PMS1: variants seen among roughly 807,000 people sequenced by gnomAD.
PMS1 encodes the protein PMS1 homolog 1, mismatch repair system component.
A neutral mutation model predicts 93.1 loss-of-function variants in PMS1; 79 were observed. The observed-to-expected ratio is 0.85, with a 90% CI of 0.71 to 1.02. The LOEUF (loss-of-function observed/expected upper bound fraction) is 1.02. PMS1 is among the 50% of genes least tolerant of loss of function. PMS1 has a pLI of 0.00. For missense variants in PMS1, 1,064 were observed against 1,085.3 expected (o/e 0.98, Z 0.28); for synonymous variants, 335 against 363.4 (o/e 0.92, Z 0.89).
At chr2:189,825,510 A>G (rs1208803463) in intron 5 of PMS1, among the ~76,000 whole-genome samples, 1 of 152,240 alleles carries the variant, frequency 6.6e-6, no homozygotes, top group Non-Finnish European at 1.5e-5. Flanking sequence ...ATGACAATGC[A>G]TAATTTCCTA....
chr2:189,863,746 T>C lies in PMS1; in HGVS notation c.1860T>C (p.Tyr620=), dbSNP rs1559321459. 1 of 1,578,652 alleles carries C rather than the reference T, an allele frequency of 6.3e-7. No individual in the cohort carries two copies. The highest frequency in any genetic ancestry group is 8.7e-7 in the Non-Finnish European group (1 of 1,148,064). ...KTLSEEEKLK[Y]EEKATKDLER... Reference sequence around the variant, plus strand: ...TCTATTTTATTTCTATTCTTAGATATGAAGAGAAGGCTACTAAAGACTTGG... The same window carrying C: ...TCTATTTTATTTCTATTCTTAGATACGAAGAGAAGGCTACTAAAGACTTGG... The change falls in exon 10 of 13, where the codon TAT becomes TAC. Residue 620 remains tyrosine (Y), a synonymous_variant. Transcript: ENST00000441310.
At chr2:189,790,987 G>A (rs2048812271) in intron 1 of PMS1, among the ~76,000 whole-genome samples, 1 of 151,976 alleles carries the variant, frequency 6.6e-6, no homozygotes, top group African/African-American at 2.4e-5. Context: ...GTTCGAGTTT[G>A]CAAGAAAAGT....
intron 5 of PMS1, 60 bp downstream of exon 5, chr2:189,818,240 T>G (rs2051500055): frequency 8.9e-7 from 1 of 1,126,472 alleles, no homozygotes; most frequent in Non-Finnish European, 1.3e-6. Context: ...CAATGTATAC[T>G]TTATAAATCA....
intron 5 of PMS1, among the ~76,000 whole-genome samples, chr2:189,826,820 A>C (rs1186784223): frequency 6.6e-6 from 1 of 152,194 alleles, no homozygotes; most frequent in East Asian, 1.9e-4. Flanking sequence ...GTGAGTGCAT[A>C]GTACAGGATG....
Position 189,854,703 on chromosome 2 carries a change from G to A in PMS1, c.1431G>A (p.Glu477=). ...ATGGCAATAAAGACCATATAGATGA[G>A]AGTGGGGAAAATGAGGAAGAAGCAG... ...SENGNKDHID[E]SGENEEEAGL... is the part of the protein sequence containing the mutation. Residue 477 remains glutamate, a synonymous_variant, in exon 9 of 13, where the codon GAG becomes GAA. Coordinates refer to ENST00000441310, the MANE Select transcript of PMS1 (RefSeq NM_000534.5). 6.2e-7 allele frequency: 1 copy of A among 1,613,924 alleles called. No homozygotes were observed. Among genetic ancestry groups the A allele is most frequent in the Non-Finnish European group, 8.5e-7 (1 of 1,179,882 alleles).
At chr2:189,815,720 A>T (rs1439379609) in intron 4 of PMS1, among the ~76,000 whole-genome samples, 1 of 152,186 alleles carries the variant, frequency 6.6e-6, no homozygotes, top group African/African-American at 2.4e-5. Context: ...ACAGTTACTG[A>T]TAACAGTTTG....
chr2:189,871,286 A>G (rs2057122309), intron 11 of PMS1, among the ~76,000 whole-genome samples: 1 of 152,134 alleles, frequency 6.6e-6, no homozygotes, highest in Admixed American at 6.5e-5. Flanking sequence ...CATAAAATAT[A>G]CTAACACTAA....
intron 10 of PMS1, 24 bp from the exon 11 acceptor site, chr2:189,867,775 A>G (rs1467415635): frequency 2.6e-6 from 4 of 1,518,902 alleles, no homozygotes; most frequent in Non-Finnish European, 2.7e-6. Context: ...TTAATAAGTT[A>G]AAGGGCCATA....
chr2:189,801,810 A>C (rs1575065988), intron 3 of PMS1, among the ~76,000 whole-genome samples: 1 of 152,200 alleles, frequency 6.6e-6, no homozygotes, highest in East Asian at 1.9e-4. Context: ...TATTGTGTAC[A>C]TACAGATGCA....
chr2:189,790,337 T>C (rs988813181), intron 1 of PMS1, among the ~76,000 whole-genome samples: 1 of 152,180 alleles, frequency 6.6e-6, no homozygotes, highest in African/African-American at 2.4e-5. Context: ...ACTTGGTCAT[T>C]CTCAGCCAAC....
At position 189,795,849 on chromosome 2, in the gene PMS1, G is replaced by A. The variant is rs1172365010; in HGVS notation, c.213G>A (p.Met71Ile). 6.2e-7 allele frequency: 1 copy of A among 1,612,806 alleles called. No individual in the cohort carries two copies. The highest frequency in any genetic ancestry group is 8.5e-7 in the Non-Finnish European group (1 of 1,178,916). ...CTGTTGATGCACCTGTAATGGCAAT[G>A]AAGTACTACACCTCAAAAATAAATA... is the stretch of plus-strand genomic sequence containing the variant. ...IKAVDAPVMA[M>I]KYYTSKINSH... The change falls in exon 3 of 13, where the codon ATG becomes ATA. Residue 71 changes from methionine to isoleucine, a missense_variant. Transcript: ENST00000441310.
At chr2:189,829,768 C>T (rs891940384) in intron 5 of PMS1, among the ~76,000 whole-genome samples, 1 of 152,246 alleles carries the variant, frequency 6.6e-6, no homozygotes, top group African/African-American at 2.4e-5. Flanking sequence ...CTGATTCTCT[C>T]ACACTCTAAT....
chr2:189,807,456 A>G (rs1423543744), intron 4 of PMS1, among the ~76,000 whole-genome samples: 2 of 152,224 alleles, frequency 1.3e-5, no homozygotes, highest in Non-Finnish European at 1.5e-5. Flanking sequence ...TACGAGTTCA[A>G]ATTAGGACAC....
chr2:189,797,520 T>C lies in PMS1; in HGVS notation c.315+1569T>C, dbSNP rs77770674. On this transcript the variant is annotated intron_variant, in intron 3 of 12. Coordinates refer to ENST00000441310, the MANE Select transcript of PMS1 (RefSeq NM_000534.5). ...TTACCCTGTGGATGTTGGGCTCTTA[T>C]TGTGTGACAGTATCTATGTGCCAGG... 6.6e-5 allele frequency among the ~76,000 whole-genome samples: 10 copies of C among 152,340 alleles called. No homozygotes were observed. The East Asian group carries it at 7.7e-4, about 12-fold the overall frequency.
In PMS1 at chr2:189,817,950, A is replaced by T. The variant is rs2051470820; in HGVS notation, c.419-67A>T. ...ATAGAAGGGGTTAATTACAAATTGT[A>T]TACGGATTTGAAGATCTGTGACGTT... On this transcript the variant is annotated intron_variant, in intron 4 of 12. Coordinates refer to ENST00000441310, the MANE Select transcript of PMS1 (RefSeq NM_000534.5). 3.3e-6 allele frequency: 4 copies of T among 1,197,524 alleles called. No individual in the cohort carries two copies. In the East Asian group the frequency reaches 7.0e-5, roughly 21 times the overall value. 74.2% of individuals were successfully genotyped at this position (1,197,524 alleles called of 1,614,324 possible).
chr2:189,794,834 C>T (rs1440867114), intron 2 of PMS1, among the ~76,000 whole-genome samples: 1 of 152,134 alleles, frequency 6.6e-6, no homozygotes, highest in Non-Finnish European at 1.5e-5. Flanking sequence ...TGATGGCTCA[C>T]ACCTGTAATT....
chr2:189,820,283 T>C (rs948975079), intron 5 of PMS1, among the ~76,000 whole-genome samples: 5 of 152,140 alleles, frequency 3.3e-5, no homozygotes, highest in African/African-American at 1.2e-4. Flanking sequence ...AGTGCTTTGC[T>C]CTCTACCATG....
intron 5 of PMS1, among the ~76,000 whole-genome samples, chr2:189,826,214 G>C (rs1181160575): frequency 6.6e-6 from 1 of 152,162 alleles, no homozygotes; most frequent in East Asian, 1.9e-4. Context: ...TTAAGGGTCA[G>C]TTCCCCTCCC....
intron 5 of PMS1, among the ~76,000 whole-genome samples, chr2:189,839,435 G>A (rs2053646576): frequency 1.3e-5 from 2 of 152,094 alleles, no homozygotes; most frequent in Admixed American, 1.3e-4. Context: ...TGCACGTAAG[G>A]GAAACTATAA....
Sources: allele counts gnomAD v4.1 joint callset (sites outside exome capture counted in the v4.1 genomes callset), GRCh38; gene constraint gnomAD v4.1.1; transcripts MANE v1.5; gene names NCBI Gene and HGNC (gene_info 2026-07-23, HGNC 2026-07-21).